Variants in PGD observed in about 807,000 individuals in gnomAD.
The protein encoded by PGD is 6-phosphogluconate dehydrogenase, decarboxylating.
PGD carries 21 observed loss-of-function variants against 60.4 expected under a neutral mutation model. The ratio of observed to expected loss-of-function variants is 0.35; its 90% CI spans 0.25 to 0.50. PGD has a LOEUF of 0.50. Ranked by LOEUF, PGD falls within the 20% of genes least tolerant of loss-of-function variation. PGD has a pLI of 0.98. For synonymous variants in PGD, 230 were observed against 235.9 expected (o/e 0.97, Z 0.23); for missense variants, 477 against 613.1 (o/e 0.78, Z 2.34).
At position 10,418,991 on chromosome 1, in the gene PGD, G is replaced by GTT. The variant is rs1353346072; in HGVS notation, c.1209+71_1209+72dup. 563 of 893,996 alleles carry GTT rather than the reference G, an allele frequency of 6.3e-4. 3 individuals are homozygous for GTT. In the African/African-American group the frequency reaches 9.0e-3, roughly 14 times the overall value. The allele number at this position is 893,996 out of a possible 1,614,324, so 55.4% of individuals were successfully genotyped here. On this transcript the variant is annotated intron_variant, in intron 11 of 12. Coordinates refer to ENST00000270776, the MANE Select transcript of PGD (RefSeq NM_002631.4). ...CTGGGGCCATCAGTTGTGATGTTTG[G>GTT]TTTTTTGTTTTTTTTTTTTGGTTTT...
intron 10 of PGD, among the ~76,000 whole-genome samples, chr1:10,418,234 A>T (rs1169182162): frequency 6.6e-6 from 1 of 152,238 alleles, no homozygotes. Flanking sequence ...GATTCAGATG[A>T]TTCTAATATT....
At chr1:10,412,052 G>A (rs1176030175) in intron 7 of PGD, among the ~76,000 whole-genome samples, 2 of 152,174 alleles carry the variant, frequency 1.3e-5, no homozygotes, top group Non-Finnish European at 2.9e-5. Flanking sequence ...CCCATCCACA[G>A]GTTCCTGTAC....
At chr1:10,412,173 A>C (rs1486288677) in intron 7 of PGD, among the ~76,000 whole-genome samples, 1 of 152,244 alleles carries the variant, frequency 6.6e-6, no homozygotes, top group African/African-American at 2.4e-5. Flanking sequence ...ACTTTAGATG[A>C]ATGTATCTTT....
In PGD at chr1:10,420,435, A is replaced by C. The variant is rs887433293; in HGVS notation, c.*686A>C. Among the ~76,000 whole-genome samples, 2 of 125,844 alleles carry C rather than the reference A, an allele frequency of 1.6e-5. No homozygotes were observed. Among genetic ancestry groups the C allele is most frequent in the Non-Finnish European group, 3.2e-5 (2 of 62,762 alleles). 82.6% of individuals were successfully genotyped at this position (125,844 alleles called of 152,430 possible). ...TTTTGCTCCTGGCAAGCTGTGCGTG[A>C]CATTCTTTATGGCTTTTTGTATGTC... On this transcript the variant is annotated 3_prime_UTR_variant, in exon 13 of 13. Transcript: ENST00000270776.
intron 9 of PGD, 95 bp from the exon 10 acceptor site, chr1:10,417,281 C>T: frequency 1.4e-6 from 2 of 1,456,074 alleles, no homozygotes. Context: ...ATTGGCCCTT[C>T]TGGGATCTCC....
Position 10,400,587 on chromosome 1 carries a change from GCT to G in PGD, c.264+19_264+20del. 6.3e-7 allele frequency: 1 copy of G among 1,591,678 alleles called. No individual in the cohort carries two copies. The highest frequency in any genetic ancestry group is 8.6e-7 in the Non-Finnish European group (1 of 1,167,754). ...TCGAGAAATTGGTGAGGCCAGCTGT[GCT>G]CTCAGCTGCTACCACGATAGCAGCT... On this transcript the variant is annotated intron_variant, in intron 3 of 12. Transcript: ENST00000270776.
At chr1:10,399,783 C>T (rs1033599838) in intron 2 of PGD, 79 bp downstream of exon 2, 7 of 1,220,518 alleles carry the variant, frequency 5.7e-6, no homozygotes, top group Non-Finnish European at 8.5e-6. Context: ...TGGGAGCTTA[C>T]GGGTCTCCTG....
intron 2 of PGD, 22 bp downstream of exon 2, chr1:10,399,726 T>A: frequency 6.2e-7 from 1 of 1,608,960 alleles, no homozygotes; most frequent in Non-Finnish European, 8.5e-7. Flanking sequence ...GGGCGCGTTG[T>A]CTTCTCTCTG....
At position 10,404,921 on chromosome 1, in the gene PGD, GT is replaced by G. The variant is rs143452029; in HGVS notation, c.449+643del. 1.8e-4 allele frequency among the ~76,000 whole-genome samples: 28 copies of G among 152,318 alleles called. No individual in the cohort carries two copies. In the East Asian group the frequency reaches 5.2e-3, roughly 28 times the overall value. ...AAGTAACTTAATGTGATAATCGTGG[GT>G]AACAGGCTGGGCATAGTGGCCCATG... is the stretch of plus-strand genomic sequence containing the variant. On this transcript the variant is annotated intron_variant, in intron 5 of 12. Coordinates refer to ENST00000270776, the MANE Select transcript of PGD (RefSeq NM_002631.4).
intron 5 of PGD, among the ~76,000 whole-genome samples, chr1:10,407,034 G>A (rs972091762): frequency 2.6e-5 from 4 of 152,202 alleles, no homozygotes; most frequent in African/African-American, 4.8e-5. Flanking sequence ...TTTCTGAGCC[G>A]GGTGCGATGG....
In PGD at chr1:10,417,356, GTC is replaced by G. The variant is rs3831406; in HGVS notation, c.976-16_976-15del. 314 of 1,596,454 alleles carry G rather than the reference GTC, an allele frequency of 2.0e-4. 2 individuals carry two copies. In the East Asian group the frequency reaches 7.0e-3, roughly 36 times the overall value. On this transcript the variant is annotated intron_variant, in intron 9 of 12. Coordinates refer to ENST00000270776, the MANE Select transcript of PGD (RefSeq NM_002631.4). ...ACTCTCCTAATGGCAATCCTAGTAG[GTC>G]TCTGTGTCACTCTTTAGGCACTCTA...
rs755450753 is a variant in PGD at position 10,399,106 on chromosome 1, C to G, written c.-12C>G. On this transcript the variant is annotated 5_prime_UTR_variant, in exon 1 of 13. Transcript: ENST00000270776. Reference sequence around the variant, plus strand: ...CGCGTCGCCGCTCTTCGGTTCTGCTCTGTCCGCCGCCATGGCCCAGTGAGT... The same window carrying G: ...CGCGTCGCCGCTCTTCGGTTCTGCTGTGTCCGCCGCCATGGCCCAGTGAGT... 20 of 1,609,760 alleles carry G rather than the reference C, an allele frequency of 1.2e-5. No individual in the cohort carries two copies. The highest frequency in any genetic ancestry group is 1.6e-5 in the Non-Finnish European group (19 of 1,179,748).
intron 8 of PGD, among the ~76,000 whole-genome samples, chr1:10,416,523 T>G (rs1046856074): frequency 3.9e-5 from 6 of 152,224 alleles, no homozygotes; most frequent in Non-Finnish European, 7.3e-5. Flanking sequence ...TTGGTAATTT[T>G]CATGCGCATC....
chr1:10,401,877 T>C (rs1451490967), intron 3 of PGD, among the ~76,000 whole-genome samples: 1 of 151,882 alleles, frequency 6.6e-6, no homozygotes, highest in Admixed American at 6.6e-5. Flanking sequence ...TAGCCAGGCG[T>C]GGTGGTGGGT....
At position 10,399,138 on chromosome 1, in the gene PGD, C is replaced by T. The variant is rs1419685463; in HGVS notation, c.8+13C>T. 4 of 1,608,552 alleles carry T rather than the reference C, an allele frequency of 2.5e-6. No homozygotes were observed. The highest frequency in any genetic ancestry group is 8.5e-7 in the Non-Finnish European group (1 of 1,179,518). ...CCGCCATGGCCCAGTGAGTGACTCG[C>T]CAGGGGCAGCCCGGCTCGGCCTCAG... On this transcript the variant is annotated intron_variant, in intron 1 of 12. Coordinates refer to ENST00000270776, the MANE Select transcript of PGD (RefSeq NM_002631.4).
chr1:10,403,198 C>T, intron 4 of PGD, 62 bp downstream of exon 4: 1 of 1,143,174 alleles, frequency 8.7e-7, no homozygotes, highest in African/African-American at 1.5e-5. Flanking sequence ...AAAGTGTCAG[C>T]ATCGCATATG....
At position 10,413,067 on chromosome 1, in the gene PGD, T is replaced by G. The variant is rs750004547; in HGVS notation, c.660T>G (p.Phe220Leu). ...GMAQDEMAQA[F>L]EDWNKTELDS... The stretch of plus-strand genomic sequence containing the variant: ...CTCCTGTGTTCTGCATGTAGGCCTT[T>G]GAGGATTGGAATAAGACAGAGCTAG... Residue 220 changes from phenylalanine to leucine, a missense_variant, in exon 8 of 13, where the codon TTT becomes TTG. Coordinates refer to ENST00000270776, the MANE Select transcript of PGD (RefSeq NM_002631.4). 15 of 1,613,868 alleles carry G rather than the reference T, an allele frequency of 9.3e-6. No homozygotes were observed. In the South Asian group the frequency reaches 1.5e-4, roughly 17 times the overall value.
chr1:10,415,686 T>C (rs1639583074), intron 8 of PGD, among the ~76,000 whole-genome samples: 1 of 152,234 alleles, frequency 6.6e-6, no homozygotes, highest in Non-Finnish European at 1.5e-5. Flanking sequence ...TCTCAAGCCA[T>C]AGCTGCTCCT....
intron 8 of PGD, 126 bp from the exon 9 acceptor site, chr1:10,416,861 T>C (rs1639603138): frequency 2.6e-6 from 2 of 772,884 alleles, no homozygotes; most frequent in Middle Eastern, 4.1e-4. Context: ...TTCACTTCTT[T>C]TGTGATTCTT....
Sources: gnomAD v4.1 joint callset for allele counts (sites outside exome capture counted in the v4.1 genomes callset) on GRCh38, gnomAD v4.1.1 for gene constraint, MANE v1.5 for transcripts, NCBI Gene and HGNC (gene_info 2026-07-23, HGNC 2026-07-21) for gene names.